Variants in SALL4 observed in about 807,000 individuals in gnomAD.
The protein encoded by SALL4 is spalt like transcription factor 4.
SALL4 carries 4 observed loss-of-function variants against 60.8 expected under a neutral mutation model. That is an observed-to-expected ratio of 0.07 (90% CI 0.03 to 0.15). The LOEUF (loss-of-function observed/expected upper bound fraction) is 0.15. SALL4 is among the 10% of genes least tolerant of loss of function. The pLI, the probability that SALL4 is intolerant of heterozygous loss-of-function variation, is 1.00. For missense variants in SALL4, 1,178 were observed against 1,394.7 expected (o/e 0.84, Z 2.48); for synonymous variants, 580 against 574.9 (o/e 1.01, Z -0.13).
In SALL4 at chr20:51,784,181, CAGG is replaced by C. The variant is rs1459518489; in HGVS notation, c.*81_*83del. The C allele has an allele frequency of 2.7e-6, 4 of 1,504,326 alleles. No individual in the cohort carries two copies. Among genetic ancestry groups the C allele is most frequent in the East Asian group, 2.3e-5 (1 of 44,332 alleles). The allele number at this position is 1,504,326 out of a possible 1,614,324, so 93.2% of individuals were successfully genotyped here. On this transcript the variant is annotated 3_prime_UTR_variant, in exon 4 of 4. Transcript: ENST00000217086. ...TTGCATATCAGTAAGAAAAAGAAAA[CAGG>C]AGGAGATGAGTTCTTACAAAACAAA...
Position 51,790,730 on chromosome 20 carries a change from A to T in SALL4, c.1753T>A (p.Tyr585Asn). The change falls in exon 2 of 4, where the codon TAT becomes AAT. Residue 585 changes from tyrosine to asparagine, a missense_variant. Physicochemically the swap from Tyr to Asn is moderately radical, Grantham distance 143. Around this residue, in one of 5 missense-constraint regions of SALL4, gnomAD observed 853 missense variants for 1,036.8 expected, o/e 0.82. Transcript: ENST00000217086. The surrounding 1 kb of genome is among the most constrained non-coding windows in gnomAD (Gnocchi z 5.5). ...GGTCTCTCCCCGGTGTGGGTGCGATAATGCATCTTGAGGGAGCTCTGACAG... is the reference window on the plus strand; with the variant it reads ...GGTCTCTCCCCGGTGTGGGTGCGATTATGCATCTTGAGGGAGCTCTGACAG... Reference protein sequence around the residue: ...LSCQSSLKMHYRTHTGERPFQ... With the variant: ...LSCQSSLKMHNRTHTGERPFQ... 6.2e-7 allele frequency: 1 copy of T among 1,613,948 alleles called. No homozygotes were observed. Among genetic ancestry groups the T allele is most frequent in the Admixed American group, 1.7e-5 (1 of 59,982 alleles).
rs999435292 is a variant in SALL4 at position 51,784,065 on chromosome 20, T to C, written c.*200A>G. The C allele has an allele frequency of 3.2e-6, 2 of 629,944 alleles. No individual in the cohort carries two copies. The highest frequency in any genetic ancestry group is 2.8e-5 in the East Asian group (1 of 35,984). The allele number at this position is 629,944 out of a possible 1,614,324, so 39.0% of individuals were successfully genotyped here. A position where few individuals can be genotyped will look rare whatever the true frequency, so the allele number is the denominator to read the frequency against. The stretch of plus-strand genomic sequence containing the variant: ...TGTTTTGGTATGCATTTTTTTTTTA[T>C]TTTTTCAACTTTTTGCAAAGCAGCA... On this transcript the variant is annotated 3_prime_UTR_variant, in exon 4 of 4. Transcript: ENST00000217086.
At position 51,792,264 on chromosome 20, in the gene SALL4, G is replaced by T. The variant is rs746985704; in HGVS notation, c.219C>A (p.Val73=). 11 of 1,613,426 alleles carry T rather than the reference G, an allele frequency of 6.8e-6. No individual in the cohort carries two copies. Among genetic ancestry groups the T allele is most frequent in the Non-Finnish European group, 8.5e-6 (10 of 1,180,026 alleles). Residue 73 remains valine, a synonymous_variant, in exon 2 of 4, where the codon GTC becomes GTA. Transcript: ENST00000217086. The part of the protein sequence containing the change: ...VKRLRREETH[V]CEKCCAEFFS... ...AGAACTCCGCACAGCATTTCTCACA[G>T]ACGTGCGTCTCCTCCCGACGAAGCC...
chr20:51,798,967 A>C (rs1306593621), intron 1 of SALL4, among the ~76,000 whole-genome samples: 3 of 152,170 alleles, frequency 2.0e-5, no homozygotes, highest in African/African-American at 7.2e-5. Context: ...AAGCCATTTC[A>C]AACAGGTGCT....
At chr20:51,797,003 A>T (rs1319037473) in intron 1 of SALL4, among the ~76,000 whole-genome samples, 1 of 152,112 alleles carries the variant, frequency 6.6e-6, no homozygotes, top group Non-Finnish European at 1.5e-5. Context: ...ATTTTTAAAC[A>T]GGGGGTCTAT....
chr20:51,801,949 G>A lies in SALL4; in HGVS notation c.130+330C>T, dbSNP rs1052420741. ...GGGGGGTAACACCAGTGAGGGGAGT[G>A]GAACCAATTAAGTGAGGGGCAGAGG... On this transcript the variant is annotated intron_variant, in intron 1 of 3. Transcript: ENST00000217086. The surrounding 1 kb of genome is among the most constrained non-coding windows in gnomAD (Gnocchi z 5.2). 3.3e-5 allele frequency among the ~76,000 whole-genome samples: 5 copies of A among 151,824 alleles called. No homozygotes were observed. Among genetic ancestry groups the A allele is most frequent in the Non-Finnish European group, 7.4e-5 (5 of 67,954 alleles).
rs2078035159 is a variant in SALL4, at chr20:51,790,988, T to C, written c.1495A>G (p.Thr499Ala). 2 of 1,614,138 alleles carry C rather than the reference T, an allele frequency of 1.2e-6. No individual in the cohort carries two copies. Among genetic ancestry groups the C allele is most frequent in the Non-Finnish European group, 1.7e-6 (2 of 1,180,014 alleles). ...LSSGTNPKDL[T>A]GGSLPGDLQP... ...AGGTCACCGGGCAAGGAGCCACCCG[T>C]GAGGTCCTTGGGATTAGTCCCCGAA... Residue 499 changes from threonine to alanine, a missense_variant, in exon 2 of 4, where the codon ACG (threonine) becomes GCG (alanine). Physicochemically the swap from Thr to Ala is moderately conservative, Grantham distance 58 (BLOSUM62 0). Around this residue, in one of 5 missense-constraint regions of SALL4, gnomAD observed 853 missense variants for 1,036.8 expected, o/e 0.82. Transcript: ENST00000217086. The surrounding 1 kb of genome is among the most constrained non-coding windows in gnomAD (Gnocchi z 5.5).
At position 51,782,550 on chromosome 20, in the gene SALL4, C is replaced by CAAAAAAAAAA. The variant is rs35289382; in HGVS notation, c.*1705_*1714dup. The CAAAAAAAAAA allele has an allele frequency of 5.3e-5, 3 of 56,376 alleles. No homozygotes were observed. Among genetic ancestry groups the CAAAAAAAAAA allele is most frequent in the Middle Eastern group, 0.01 (1 of 96 alleles). The allele number at this position is 56,376 out of a possible 1,614,324, so 3.5% of individuals were successfully genotyped here. ...TTCCAGAAGGAAAGGCACAACTTGG[C>CAAAAAAAAAA]AAAAAAAAAAAAAAAAAAAAAAAAG... is the stretch of plus-strand genomic sequence containing the variant. On this transcript the variant is annotated 3_prime_UTR_variant, in exon 4 of 4. Transcript: ENST00000217086.
chr20:51,792,201 G>C lies in SALL4; in HGVS notation c.282C>G (p.Cys94Trp), dbSNP rs996637253. 6.2e-7 allele frequency: 1 copy of C among 1,614,096 alleles called. No individual in the cohort carries two copies. The highest frequency in any genetic ancestry group is 1.6e-4 in the Middle Eastern group (1 of 6,062). Reference protein sequence around the residue: ...ISEFLEHKKNCTKNPPVLIMN... With the variant: ...ISEFLEHKKNWTKNPPVLIMN... Reference sequence around the variant, plus strand: ...TGATGAGGACAGGTGGATTTTTAGTGCAATTTTTCTTATGTTCCAGGAACT... The same window carrying C: ...TGATGAGGACAGGTGGATTTTTAGTCCAATTTTTCTTATGTTCCAGGAACT... Residue 94 changes from cysteine (C) to tryptophan (W), a missense_variant, in exon 2 of 4, where the codon TGC (cysteine) becomes TGG (tryptophan). By Grantham distance (215) the Cys-to-Trp change is radical (BLOSUM62 -2). Coordinates refer to ENST00000217086, the MANE Select transcript of SALL4 (RefSeq NM_020436.5).
rs1568865783 is a variant in SALL4, at chr20:51,791,964, T to C, written c.519A>G (p.Lys173=). 1.2e-6 allele frequency: 2 copies of C among 1,614,122 alleles called. No individual in the cohort carries two copies. The highest frequency in any genetic ancestry group is 1.7e-6 in the Non-Finnish European group (2 of 1,180,046). The part of the protein sequence containing the change: ...PTPQDISYLA[K]GKVANTNVTL... ...TCACATTAGTGTTGGCCACTTTGCC[T>C]TTGGCTAAATAGCTTATGTCCTGGG... is the stretch of plus-strand genomic sequence containing the variant. The change falls in exon 2 of 4, where the codon AAA becomes AAG. Residue 173 remains lysine (K), a synonymous_variant. Transcript: ENST00000217086. The surrounding 1 kb of genome is among the most constrained non-coding windows in gnomAD (Gnocchi z 4.6).
At position 51,784,407 on chromosome 20, in the gene SALL4, A is replaced by G. The variant is rs962822360; in HGVS notation, c.3020T>C (p.Val1007Ala). The change falls in exon 4 of 4, where the codon GTT (valine) becomes GCT (alanine). Residue 1007 changes from valine to alanine, a missense_variant. Val to Ala is a moderately conservative substitution (Grantham distance 64). Coordinates refer to ENST00000217086, the MANE Select transcript of SALL4 (RefSeq NM_020436.5). The part of the protein sequence containing the change: ...TLPVSLGATS[V>A]VNNATVSKMD... ...CTTGGAGACAGTGGCGTTATTCACA[A>G]CGGAGGTGGCCCCCAAGGAAACCGG... is the stretch of plus-strand genomic sequence containing the variant. 1 of 1,614,134 alleles carries G rather than the reference A, an allele frequency of 6.2e-7. No individual in the cohort carries two copies. The highest frequency in any genetic ancestry group is 1.7e-5 in the Admixed American group (1 of 60,014).
chr20:51,800,428 G>A (rs969900091), intron 1 of SALL4, among the ~76,000 whole-genome samples: 1 of 152,200 alleles, frequency 6.6e-6, no homozygotes, highest in Admixed American at 6.5e-5. Flanking sequence ...GGCAGCGCAC[G>A]GCCAGGCCCG....
At chr20:51,792,409 C>T (rs917477875) in intron 1 of SALL4, 57 bp from the exon 2 acceptor site, 1 of 1,587,972 alleles carries the variant, frequency 6.3e-7, no homozygotes, top group Admixed American at 1.7e-5. Context: ...GTGGGGGGAG[C>T]CGGGCACCGT....
intron 2 of SALL4, 100 bp downstream of exon 2, chr20:51,789,922 T>C (rs766464450): frequency 1.2e-5 from 18 of 1,454,600 alleles, no homozygotes; most frequent in Non-Finnish European, 1.7e-5. Context: ...TAGAAGGGGC[T>C]GCTTCAAGTC....
Position 51,790,546 on chromosome 20 carries a change from C to T in SALL4, c.1937G>A (p.Arg646Gln). ...GGGAATCTGACCGCCCATGTGCATC[C>T]GAATATGTTGCTGCAGCATCACGGC... ...TNAVMLQQHI[R>Q]MHMGGQIPNT... Residue 646 changes from arginine to glutamine, a missense_variant, in exon 2 of 4, where the codon CGG (arginine) becomes CAG (glutamine). Physicochemically the swap from Arg to Gln is conservative, Grantham distance 43. This residue lies in a region of SALL4 where 853 missense variants were observed against 1,036.8 expected (regional missense o/e 0.82). Transcript: ENST00000217086. This position sits in a 1 kb window ranked among gnomAD's most constrained non-coding sequence, Gnocchi z 5.5. 1.2e-6 allele frequency: 2 copies of T among 1,614,096 alleles called. No homozygotes were observed. Among genetic ancestry groups the T allele is most frequent in the South Asian group, 2.2e-5 (2 of 91,074 alleles).
intron 3 of SALL4, among the ~76,000 whole-genome samples, chr20:51,786,568 G>T (rs991303387): frequency 1.3e-5 from 2 of 152,158 alleles, no homozygotes; most frequent in African/African-American, 4.8e-5. Flanking sequence ...AACCTACGCA[G>T]GTAATAAAAC....
In SALL4 at chr20:51,783,840, G is replaced by A. The variant is rs1022187356; in HGVS notation, c.*425C>T. On this transcript the variant is annotated 3_prime_UTR_variant, in exon 4 of 4. Transcript: ENST00000217086. ...GTTCGAGACCAGCCTGACCAACATG[G>A]TGAAACCCAGTCTCTACTCAAAATA... 7.8e-5 allele frequency: 18 copies of A among 231,002 alleles called. No individual in the cohort carries two copies. The highest frequency in any genetic ancestry group is 4.4e-4 in the East Asian group (4 of 9,066). 14.3% of individuals were successfully genotyped at this position (231,002 alleles called of 1,614,324 possible). A position where few individuals can be genotyped will look rare whatever the true frequency, so the allele number is the denominator to read the frequency against.
intron 1 of SALL4, among the ~76,000 whole-genome samples, chr20:51,795,948 A>G (rs547828330): frequency 6.6e-6 from 1 of 152,282 alleles, no homozygotes; most frequent in East Asian, 1.9e-4. Context: ...TAATCCCAGC[A>G]CTTTGGGAGG....
At chr20:51,795,274 G>A (rs1360981493) in intron 1 of SALL4, among the ~76,000 whole-genome samples, 1 of 152,138 alleles carries the variant, frequency 6.6e-6, no homozygotes, top group African/African-American at 2.4e-5. Flanking sequence ...GAGCACGGTG[G>A]TGGGCGCCTG....
Sources: gnomAD v4.1 joint callset for allele counts (sites outside exome capture counted in the v4.1 genomes callset) on GRCh38, gnomAD v4.1.1 for gene constraint, gnomAD v4.1.1 regional missense constraint, Gnocchi (gnomAD v3.1) non-coding constraint, MANE v1.5 for transcripts, NCBI Gene and HGNC (gene_info 2026-07-23, HGNC 2026-07-21) for gene names.